DMD: variants seen among roughly 807,000 people sequenced by gnomAD.
The protein encoded by DMD is mutant dystrophin.
Under a neutral mutation model 330.1 loss-of-function variants are expected in DMD, and 63 were observed. The ratio of observed to expected loss-of-function variants is 0.19; its 90% CI spans 0.16 to 0.24. The LOEUF (loss-of-function observed/expected upper bound fraction) is 0.24, where lower values mean the gene tolerates loss of function less well. Among genes scored for constraint, DMD ranks in the 10% least tolerant of loss-of-function variants. The pLI is 1.00. For synonymous variants in DMD, 1,223 were observed against 959.8 expected, an observed-to-expected ratio of 1.27 and a Z score of -5.07; for missense variants, 3,344 against 2,684.1, an observed-to-expected ratio of 1.25 and a Z score of -5.43.
chrX:31,532,102 A>G (rs1311985099), intron 55 of DMD, among the ~76,000 whole-genome samples: 1 of 92,767 alleles, frequency 1.1e-5, no homozygotes, highest in Non-Finnish European at 2.1e-5. Context: ...CTAGTAAGGC[A>G]GGCCAACGTT....
intron 44 of DMD, among the ~76,000 whole-genome samples, chrX:32,179,524 A>G (rs755919133): frequency 2.7e-5 from 3 of 112,522 alleles, no homozygotes; most frequent in Non-Finnish European, 5.6e-5. Flanking sequence ...ATAGGACCAT[A>G]AGAAATAAAC....
intron 47 of DMD, among the ~76,000 whole-genome samples, chrX:31,889,643 T>TCACACA (rs1342429020): frequency 1.5e-5 from 1 of 68,647 alleles, no homozygotes; most frequent in African/African-American, 6.4e-5. Flanking sequence ...TCTCTCTCTC[T>TCACACA]CTCTCACACA....
intron 1 of DMD, among the ~76,000 whole-genome samples, chrX:33,316,556 C>T (rs2053935037): frequency 9.0e-6 from 1 of 111,463 alleles, no homozygotes; most frequent in South Asian, 3.7e-4. Context: ...TCCAAATACC[C>T]TAGCATCATT....
intron 1 of DMD, among the ~76,000 whole-genome samples, chrX:33,205,612 G>T (rs1382490815): frequency 8.9e-6 from 1 of 111,945 alleles, no homozygotes. Context: ...CTGATTCCAT[G>T]ACAGTCTTAG....
chrX:31,562,044 A>G (rs935995414), intron 55 of DMD, among the ~76,000 whole-genome samples: 2 of 111,937 alleles, frequency 1.8e-5, no homozygotes, highest in Non-Finnish European at 3.8e-5. Flanking sequence ...CATAAGATTA[A>G]TTTTATCTTT....
chrX:32,226,891 A>C (rs183204124), intron 43 of DMD, among the ~76,000 whole-genome samples: 13 of 110,965 alleles, frequency 1.2e-4, no homozygotes, highest in Admixed American at 8.7e-4. Flanking sequence ...CATTTTCCAA[A>C]TATATCAGCA....
At chrX:33,337,259 A>G (rs1247826894) in intron 1 of DMD, among the ~76,000 whole-genome samples, 1 of 111,846 alleles carries the variant, frequency 8.9e-6, no homozygotes, top group African/African-American at 3.2e-5. Context: ...GCAGTGTAAA[A>G]GAGTTTTTAC....
chrX:31,401,434 G>A (rs2061185662), intron 60 of DMD, among the ~76,000 whole-genome samples: 1 of 112,137 alleles, frequency 8.9e-6, no homozygotes, highest in Non-Finnish European at 1.9e-5. Context: ...TGCACTTAGA[G>A]GCTATTTATC....
intron 2 of DMD, among the ~76,000 whole-genome samples, chrX:32,943,144 T>C (rs1285103636): frequency 9.0e-6 from 1 of 111,453 alleles, no homozygotes; most frequent in Non-Finnish European, 1.9e-5. Context: ...GACTCAAATA[T>C]CTGCCTCTGA....
chrX:32,570,504 T>A (rs2052290450), intron 15 of DMD, among the ~76,000 whole-genome samples: 1 of 112,157 alleles, frequency 8.9e-6, no homozygotes. Flanking sequence ...TAGCCAAGAT[T>A]TCTGCTCACA....
chrX:31,573,142 T>G (rs775900182), intron 55 of DMD, among the ~76,000 whole-genome samples: 32 of 111,590 alleles, frequency 2.9e-4, no homozygotes, highest in Non-Finnish European at 5.3e-4. Context: ...AGTGGGAGGT[T>G]GCAAACAAAG....
chrX:32,476,301 T>G (rs923853677), intron 21 of DMD, among the ~76,000 whole-genome samples: 1 of 111,791 alleles, frequency 8.9e-6, no homozygotes, highest in Non-Finnish European at 1.9e-5. Context: ...CACTTCATAT[T>G]GGTAAACTAT....
At chrX:32,493,643 G>C (rs1323516050) in intron 19 of DMD, among the ~76,000 whole-genome samples, 1 of 111,697 alleles carries the variant, frequency 9.0e-6, no homozygotes, top group East Asian at 2.8e-4. Flanking sequence ...AAGTGTAAGA[G>C]AAGAATATGA....
intron 11 of DMD, among the ~76,000 whole-genome samples, chrX:32,628,623 GTTC>G (rs1223169526): frequency 1.8e-5 from 2 of 109,977 alleles, no homozygotes; most frequent in Non-Finnish European, 3.8e-5. Context: ...TTATTTGAAA[GTTC>G]TTCTGCTTTT....
chrX:32,730,195 A>C (rs1219857585), intron 7 of DMD, among the ~76,000 whole-genome samples: 1 of 112,002 alleles, frequency 8.9e-6, no homozygotes, highest in Non-Finnish European at 1.9e-5. Context: ...AATTGTTTAA[A>C]TGTACCTCTG....
intron 61 of DMD, among the ~76,000 whole-genome samples, chrX:31,329,286 C>G (rs1012974203): frequency 1.8e-5 from 2 of 111,544 alleles, no homozygotes; most frequent in African/African-American, 6.5e-5. Flanking sequence ...TGGCTGGACT[C>G]TTTAAGGAAG....
At position 32,718,384 on chromosome X, in the gene DMD, G is replaced by A. The variant is rs368036468; in HGVS notation, c.650-19091C>T. ...TCCTCCTTCTCTGGCCATGTAAGCC[G>A]TGCCTACTTCCCCTTCACCTTCCAC... On this transcript the variant is annotated intron_variant, in intron 7 of 78. Coordinates refer to ENST00000357033, the MANE Select transcript of DMD (RefSeq NM_004006.3). 2.5e-4 allele frequency among the ~76,000 whole-genome samples: 28 copies of A among 111,033 alleles called. No homozygotes were observed. The South Asian group carries it at 2.7e-3, about 11-fold the overall frequency.
intron 39 of DMD, among the ~76,000 whole-genome samples, chrX:32,344,274 T>A (rs1208413651): frequency 1.8e-5 from 2 of 111,834 alleles, no homozygotes; most frequent in Non-Finnish European, 3.8e-5. Flanking sequence ...TTTCTAAAAA[T>A]TTCATTCCAT....
At chrX:33,013,597 T>C (rs981839414) in intron 2 of DMD, among the ~76,000 whole-genome samples, 42 of 112,107 alleles carry the variant, frequency 3.7e-4, no homozygotes, top group Non-Finnish European at 9.4e-5. Flanking sequence ...ATAGCTCTGC[T>C]CGATTACTTC....
Sources: allele counts gnomAD v4.1 joint callset (sites outside exome capture counted in the v4.1 genomes callset), GRCh38; gene constraint gnomAD v4.1.1; transcripts MANE v1.5; gene names NCBI Gene and HGNC (gene_info 2026-07-23, HGNC 2026-07-21).